POFUT3: variants seen among roughly 807,000 people sequenced by gnomAD.
The protein encoded by POFUT3 is GDP-fucose protein O-fucosyltransferase 3.
chr8:33,398,691 C>T, the POFUT3 span, among the ~76,000 whole-genome samples: 2 of 152,092 alleles, frequency 1.3e-5, no homozygotes, highest in African/African-American at 2.4e-5. Context: ...TATAACAAAC[C>T]TGCACATGTA....
the POFUT3 span, among the ~76,000 whole-genome samples, chr8:33,335,795 A>G: frequency 1.3e-5 from 2 of 152,240 alleles, no homozygotes; most frequent in Admixed American, 6.5e-5. Flanking sequence ...CATCAAAAAG[A>G]GAAAATATAT....
chr8:33,463,536 G>T, the POFUT3 span, among the ~76,000 whole-genome samples: 1 of 151,590 alleles, frequency 6.6e-6, no homozygotes, highest in African/African-American at 2.4e-5. Context: ...CCCCTCTCAT[G>T]AGTCTACCTT....
the POFUT3 span, among the ~76,000 whole-genome samples, chr8:33,416,105 C>A: frequency 1.7e-4 from 26 of 151,952 alleles, no homozygotes; most frequent in African/African-American, 6.3e-4. Context: ...CAAAAACAAT[C>A]AAAGAAACAA....
the POFUT3 span, among the ~76,000 whole-genome samples, chr8:33,414,905 G>A: frequency 3.3e-5 from 5 of 150,644 alleles, no homozygotes; most frequent in African/African-American, 7.3e-5. Context: ...TTCAATATGC[G>A]AGCTAAATGC....
chr8:33,310,185 C>G, the POFUT3 span, among the ~76,000 whole-genome samples: 214 of 152,212 alleles, frequency 1.4e-3, 2 homozygotes, highest in East Asian at 0.04. Flanking sequence ...CTATCTTTTA[C>G]TCCCCAGAAT....
At chr8:33,461,104 G>A in the POFUT3 span, among the ~76,000 whole-genome samples, 1 of 151,086 alleles carries the variant, frequency 6.6e-6, no homozygotes, top group South Asian at 2.1e-4. Flanking sequence ...GCAGTAAGCA[G>A]AGATCGTGCC....
the POFUT3 span, among the ~76,000 whole-genome samples, chr8:33,318,411 T>C: frequency 6.8e-6 from 1 of 146,950 alleles, no homozygotes; most frequent in Non-Finnish European, 1.5e-5. Context: ...CAAGATTTTA[T>C]GCACACATAC....
the POFUT3 span, among the ~76,000 whole-genome samples, chr8:33,375,010 A>G: frequency 4.6e-5 from 7 of 151,430 alleles, no homozygotes; most frequent in Non-Finnish European, 8.8e-5. Context: ...CCTCCCAAGT[A>G]GCTGAGATTA....
At chr8:33,323,025 A>G in the POFUT3 span, among the ~76,000 whole-genome samples, 1 of 152,152 alleles carries the variant, frequency 6.6e-6, no homozygotes, top group South Asian at 2.1e-4. Flanking sequence ...CAAGTGGGCA[A>G]CAATAATTTT....
chr8:33,343,937 A>G, the POFUT3 span, among the ~76,000 whole-genome samples: 1 of 152,168 alleles, frequency 6.6e-6, no homozygotes, highest in Non-Finnish European at 1.5e-5. Context: ...AGGACCCCCA[A>G]CCCACACTTC....
chr8:33,361,974 A>T, the POFUT3 span, among the ~76,000 whole-genome samples: 2 of 152,204 alleles, frequency 1.3e-5, no homozygotes, highest in African/African-American at 4.8e-5. Flanking sequence ...TGTCAGATTC[A>T]CCAAACTTGA....
chr8:33,360,574 A>G, the POFUT3 span, among the ~76,000 whole-genome samples: 2 of 152,126 alleles, frequency 1.3e-5, no homozygotes, highest in Non-Finnish European at 2.9e-5. Flanking sequence ...TTCCTCCCCT[A>G]CACCCCCTAT....
the POFUT3 span, among the ~76,000 whole-genome samples, chr8:33,344,729 C>A: frequency 6.6e-6 from 1 of 152,198 alleles, no homozygotes; most frequent in Non-Finnish European, 1.5e-5. Flanking sequence ...ACAGAGTAGA[C>A]GTTCCAGCTA....
the POFUT3 span, among the ~76,000 whole-genome samples, chr8:33,425,613 G>C: frequency 6.6e-6 from 1 of 151,962 alleles, no homozygotes; most frequent in Non-Finnish European, 1.5e-5. Context: ...GGAGGGTGGA[G>C]GAAGGAGCCG....
the POFUT3 span, among the ~76,000 whole-genome samples, chr8:33,358,192 GCAGTGAGCCA>G: frequency 1.3e-5 from 2 of 152,342 alleles, no homozygotes; most frequent in African/African-American, 2.4e-5. Context: ...GGTCTAGGCT[GCAGTGAGCCA>G]GGATGGTGCC....
At chr8:33,461,858 C>A in the POFUT3 span, 5 of 348,664 alleles carry the variant, frequency 1.4e-5, no homozygotes, top group Non-Finnish European at 2.8e-5. Context: ...TAGTACCTCA[C>A]TCATAAGTAA....
chr8:33,367,331 A>C, the POFUT3 span, among the ~76,000 whole-genome samples: 1 of 152,360 alleles, frequency 6.6e-6, no homozygotes, highest in Non-Finnish European at 1.5e-5. Context: ...CTGTGCCTTA[A>C]GGACATGCTC....
chr8:33,379,898 A>G, the POFUT3 span, among the ~76,000 whole-genome samples: 1 of 123,144 alleles, frequency 8.1e-6, no homozygotes, highest in Admixed American at 9.4e-5. Flanking sequence ...ACATACATAT[A>G]CACTATATAT....
chr8:33,361,887 A>G, the POFUT3 span, among the ~76,000 whole-genome samples: 1 of 152,138 alleles, frequency 6.6e-6, no homozygotes, highest in East Asian at 1.9e-4. Context: ...GTTATCTTTT[A>G]TCTTATTCCA....
Sources: gnomAD v4.1 joint callset for allele counts (sites outside exome capture counted in the v4.1 genomes callset) on GRCh38, gnomAD v4.1.1 for gene constraint, MANE v1.5 for transcripts, NCBI Gene and HGNC (gene_info 2026-07-23, HGNC 2026-07-21) for gene names.